DDX43: variants seen among roughly 807,000 people sequenced by gnomAD.
DDX43 encodes the protein probable ATP-dependent RNA helicase DDX43.
Under a neutral mutation model 84.9 loss-of-function variants are expected in DDX43, and 50 were observed. The observed-to-expected ratio is 0.59, with a 90% CI of 0.47 to 0.75. The LOEUF (loss-of-function observed/expected upper bound fraction) is 0.75, where lower values mean the gene tolerates loss of function less well. DDX43 is among the 30% of genes least tolerant of loss of function. The pLI, the probability that DDX43 is intolerant of heterozygous loss-of-function variation, is 0.00. For synonymous variants in DDX43, 291 were observed against 266.3 expected (o/e 1.09, Z -0.90); for missense variants, 689 against 798.6 (o/e 0.86, Z 1.65).
chr6:73,394,926 T>G lies in DDX43; in HGVS notation c.21T>G (p.Ala7=), dbSNP rs1258898201. The part of the protein sequence containing the change: MSHHGG[A]PKASTWVVAS... ...GAACAATGTCCCACCACGGAGGAGC[T>G]CCCAAGGCCTCTACGTGGGTCGTTG... Residue 7 remains alanine, a synonymous_variant, in exon 1 of 17, where the codon GCT becomes GCG. Coordinates refer to ENST00000370336, the MANE Select transcript of DDX43 (RefSeq NM_018665.3). The G allele has an allele frequency of 6.2e-7, 1 of 1,614,136 alleles. No individual in the cohort carries two copies. Among genetic ancestry groups the G allele is most frequent in the Admixed American group, 1.7e-5 (1 of 60,016 alleles).
intron 10 of DDX43, 91 bp from the exon 11 acceptor site, chr6:73,412,114 C>A: frequency 9.2e-7 from 1 of 1,091,354 alleles, no homozygotes; most frequent in Non-Finnish European, 1.3e-6. Context: ...CTAAATTTGT[C>A]TTTCATGAGT....
intron 3 of DDX43, among the ~76,000 whole-genome samples, chr6:73,401,171 G>A (rs1769561849): frequency 6.6e-6 from 1 of 151,904 alleles, no homozygotes; most frequent in South Asian, 2.1e-4. Flanking sequence ...GTAGAGATGG[G>A]GTTTCACCAC....
chr6:73,399,985 A>G (rs1769535794), intron 2 of DDX43, among the ~76,000 whole-genome samples: 2 of 152,172 alleles, frequency 1.3e-5, no homozygotes, highest in African/African-American at 4.8e-5. Flanking sequence ...TTCCCTAGCT[A>G]TCCAATTTTA....
At chr6:73,416,994 G>A (rs889063346) in intron 16 of DDX43, among the ~76,000 whole-genome samples, 193 bp from the exon 17 acceptor site, 1 of 152,100 alleles carries the variant, frequency 6.6e-6, no homozygotes, top group African/African-American at 2.4e-5. Flanking sequence ...AGGTGAGATC[G>A]GGCCACTGCA....
chr6:73,412,678 C>CGTGT (rs1554236194), intron 11 of DDX43, among the ~76,000 whole-genome samples: 20 of 76,516 alleles, frequency 2.6e-4, no homozygotes, highest in South Asian at 9.9e-4. Context: ...TGCGCGCGCG[C>CGTGT]GTGTGTGTGT....
chr6:73,397,311 A>G (rs1233665547), intron 1 of DDX43, among the ~76,000 whole-genome samples: 1 of 152,198 alleles, frequency 6.6e-6, no homozygotes, highest in Non-Finnish European at 1.5e-5. Flanking sequence ...GATGTTGAAC[A>G]TCTCATGCCT....
chr6:73,397,752 A>G lies in DDX43; in HGVS notation c.306+8A>G. 6.2e-7 allele frequency: 1 copy of G among 1,613,488 alleles called. No individual in the cohort carries two copies. The highest frequency in any genetic ancestry group is 2.2e-5 in the East Asian group (1 of 44,876). ...ACAAACACCACAATCCAAGTAAGCC[A>G]TCTGTGTTTTTCGGCCCTTAAGAGA... On this transcript the variant is annotated splice_region_variant and intron_variant, in intron 2 of 16. Coordinates refer to ENST00000370336, the MANE Select transcript of DDX43 (RefSeq NM_018665.3).
intron 3 of DDX43, 61 bp downstream of exon 3, chr6:73,400,424 GCCATTATA>G (rs1769545030): frequency 6.9e-7 from 1 of 1,452,310 alleles, no homozygotes; most frequent in Non-Finnish European, 9.3e-7. Context: ...AGTGTTATAA[GCCATTATA>G]CCTGATTTCA....
At chr6:73,412,641 GTGTGTGT>G (rs1769811235) in intron 11 of DDX43, among the ~76,000 whole-genome samples, 1 of 59,478 alleles carries the variant, frequency 1.7e-5, no homozygotes, top group African/African-American at 6.3e-5. Flanking sequence ...TATATATAGT[GTGTGTGT>G]GTGTGTGTGT....
chr6:73,412,863 T>C (rs1166030904), intron 11 of DDX43, among the ~76,000 whole-genome samples: 1 of 152,080 alleles, frequency 6.6e-6, no homozygotes, highest in Non-Finnish European at 1.5e-5. Context: ...CCTGAGTAGC[T>C]GGGGTTACAA....
At position 73,413,956 on chromosome 6, in the gene DDX43, A is replaced by T. The variant is rs184673523; in HGVS notation, c.1497-14A>T. On this transcript the variant is annotated splice_polypyrimidine_tract_variant and intron_variant, in intron 12 of 16. Coordinates refer to ENST00000370336, the MANE Select transcript of DDX43 (RefSeq NM_018665.3). ...ATAAGCACCTAAGAATGCTGAGTTT[A>T]TCTTTTGCTTCAGTGCGGATCACTT... 48 of 1,585,598 alleles carry T rather than the reference A, an allele frequency of 3.0e-5. No homozygotes were observed. Among genetic ancestry groups the T allele is most frequent in the Middle Eastern group, 1.7e-4 (1 of 5,934 alleles).
chr6:73,412,822 C>T (rs1371264706), intron 11 of DDX43, among the ~76,000 whole-genome samples: 3 of 152,068 alleles, frequency 2.0e-5, no homozygotes, highest in Non-Finnish European at 4.4e-5. Flanking sequence ...CCTCTGCCTC[C>T]TGGGTTCAAG....
At position 73,409,274 on chromosome 6, in the gene DDX43, G is replaced by A. The variant is rs1389096087; in HGVS notation, c.1206G>A (p.Leu402=). The part of the protein sequence containing the change: ...YLVLDEADKM[L]DMGFEPQIMK... Reference sequence around the variant, plus strand: ...TTTTAGATGAAGCAGACAAGATGTTGGACATGGGATTTGAACCCCAGATAA... The same window carrying A: ...TTTTAGATGAAGCAGACAAGATGTTAGACATGGGATTTGAACCCCAGATAA... The change falls in exon 10 of 17, where the codon TTG becomes TTA. Residue 402 remains leucine (L), a synonymous_variant. Transcript: ENST00000370336. The A allele has an allele frequency of 1.9e-6, 3 of 1,614,116 alleles. No homozygotes were observed. The Admixed American group carries it at 5.0e-5, about 27-fold the overall frequency.
chr6:73,414,349 G>A (rs1452720509), intron 13 of DDX43, among the ~76,000 whole-genome samples, 199 bp from the exon 14 acceptor site: 2 of 152,314 alleles, frequency 1.3e-5, no homozygotes, highest in East Asian at 3.9e-4. Context: ...GTCATGGTTC[G>A]AAGGGTTTAG....
In DDX43 at chr6:73,397,734, C is replaced by T. The variant is rs781131294; in HGVS notation, c.296C>T (p.Thr99Ile). The T allele has an allele frequency of 3.7e-6, 6 of 1,613,768 alleles. No homozygotes were observed. The highest frequency in any genetic ancestry group is 1.6e-4 in the Middle Eastern group (1 of 6,062). ...KIKNIQSTTN[T>I]TIQIIQEQPE... ...AAGAATATACAAAGTACAACAAACACCACAATCCAAGTAAGCCATCTGTGT... is the reference window on the plus strand; with the variant it reads ...AAGAATATACAAAGTACAACAAACATCACAATCCAAGTAAGCCATCTGTGT... The change falls in exon 2 of 17, where the codon ACC becomes ATC. Residue 99 changes from threonine to isoleucine, a missense_variant. Thr to Ile is a moderately conservative substitution (Grantham distance 89). This residue lies in a region of DDX43 where 552 missense variants were observed against 692.7 expected (regional missense o/e 0.80). Transcript: ENST00000370336.
intron 4 of DDX43, 135 bp from the exon 5 acceptor site, chr6:73,404,555 C>T (rs977752108): frequency 2.8e-6 from 2 of 711,992 alleles, no homozygotes; most frequent in African/African-American, 3.6e-5. Context: ...GAGCAAGCCT[C>T]GTTGGCAAAG....
intron 10 of DDX43, among the ~76,000 whole-genome samples, chr6:73,411,766 T>G (rs1019630254): frequency 6.6e-6 from 1 of 152,076 alleles, no homozygotes; most frequent in African/African-American, 2.4e-5. Context: ...GGCACAATCT[T>G]GGCTCACTGC....
rs1022767963 is a variant in DDX43, at chr6:73,400,216, T to C, written c.307-18T>C. 1.9e-6 allele frequency: 3 copies of C among 1,562,720 alleles called. No homozygotes were observed. Among genetic ancestry groups the C allele is most frequent in the Admixed American group, 2.1e-5 (1 of 47,516 alleles). ...TAGGGAAATTTTAAGTCTCACCTCT[T>C]TTTCCCCTTGTACCTAGATAATACA... On this transcript the variant is annotated intron_variant, in intron 2 of 16. Transcript: ENST00000370336.
chr6:73,400,183 A>T (rs1196020445), intron 2 of DDX43, 51 bp from the exon 3 acceptor site: 3 of 1,522,016 alleles, frequency 2.0e-6, no homozygotes, highest in Non-Finnish European at 2.6e-6. Flanking sequence ...GGAACTTTTT[A>T]TGTTTTTTAG....
Sources: gnomAD v4.1 joint callset for allele counts (sites outside exome capture counted in the v4.1 genomes callset) on GRCh38, gnomAD v4.1.1 for gene constraint, gnomAD v4.1.1 regional missense constraint, MANE v1.5 for transcripts, NCBI Gene and HGNC (gene_info 2026-07-23, HGNC 2026-07-21) for gene names.